ROBO2: variants seen among roughly 807,000 people sequenced by gnomAD.
ROBO2 encodes the protein roundabout guidance receptor 2.
A neutral mutation model predicts 160.8 loss-of-function variants in ROBO2; 53 were observed. The observed-to-expected ratio is 0.33, with a 90% CI of 0.26 to 0.41. The LOEUF (loss-of-function observed/expected upper bound fraction) is 0.41. Ranked by LOEUF, ROBO2 falls within the 10% of genes least tolerant of loss-of-function variation. The pLI is 1.00. For missense variants in ROBO2, 1,577 were observed against 1,722.4 expected (o/e 0.92, Z 1.49); for synonymous variants, 664 against 611.7 (o/e 1.09, Z -1.26).
chr3:77,626,205 A>G (rs964311127), intron 23 of ROBO2, among the ~76,000 whole-genome samples: 1 of 152,206 alleles, frequency 6.6e-6, no homozygotes, highest in African/African-American at 2.4e-5. Context: ...CAAGCACAAC[A>G]TATAATTTTC....
chr3:77,316,399 G>T (rs2063993931), intron 2 of ROBO2, among the ~76,000 whole-genome samples: 1 of 152,080 alleles, frequency 6.6e-6, no homozygotes, highest in Non-Finnish European at 1.5e-5. Context: ...AGGAAACCAA[G>T]GTTCGATTCT....
chr3:76,967,369 C>T (rs539412083), intron 2 of ROBO2, among the ~76,000 whole-genome samples: 2 of 151,970 alleles, frequency 1.3e-5, no homozygotes, highest in South Asian at 2.1e-4. Flanking sequence ...CCACGCCCAG[C>T]TAATTTTTGT....
chr3:76,736,517 A>C (rs903181780), intron 2 of ROBO2, among the ~76,000 whole-genome samples: 2 of 152,168 alleles, frequency 1.3e-5, no homozygotes, highest in Admixed American at 6.5e-5. Context: ...TCCAACAATC[A>C]GTTACTTTTT....
intron 2 of ROBO2, among the ~76,000 whole-genome samples, chr3:76,797,032 C>G (rs2063751603): frequency 6.6e-6 from 1 of 152,082 alleles, no homozygotes; most frequent in Non-Finnish European, 1.5e-5. Flanking sequence ...GAGAAGTGGA[C>G]AGATCATCCA....
At chr3:76,901,236 A>G (rs150094398) in intron 2 of ROBO2, among the ~76,000 whole-genome samples, 30 of 151,804 alleles carry the variant, frequency 2.0e-4, no homozygotes, top group African/African-American at 7.0e-4. Flanking sequence ...ATACCCCCAC[A>G]TAAAATATTA....
chr3:76,664,000 G>T (rs374602438), intron 2 of ROBO2, among the ~76,000 whole-genome samples: 22 of 152,218 alleles, frequency 1.4e-4, no homozygotes, highest in East Asian at 1.4e-3. Context: ...GGGCAAAAGG[G>T]TATAAAAAGG....
At chr3:76,462,225 T>C (rs975950265) in intron 2 of ROBO2, among the ~76,000 whole-genome samples, 1 of 152,334 alleles carries the variant, frequency 6.6e-6, no homozygotes, top group Admixed American at 6.5e-5. Flanking sequence ...TTGCCAAATG[T>C]CGATTTTTCA....
At chr3:76,560,980 C>CTG (rs1203667960) in intron 2 of ROBO2, among the ~76,000 whole-genome samples, 18 of 136,270 alleles carry the variant, frequency 1.3e-4, no homozygotes, top group East Asian at 2.1e-4. Context: ...ATGAGTATAT[C>CTG]TGTGTGTGTG....
At chr3:77,018,144 C>A (rs1026956738) in intron 2 of ROBO2, among the ~76,000 whole-genome samples, 1 of 152,130 alleles carries the variant, frequency 6.6e-6, no homozygotes, top group Non-Finnish European at 1.5e-5. Context: ...ACTCTGTCGC[C>A]CAGGCTGGAG....
intron 2 of ROBO2, among the ~76,000 whole-genome samples, chr3:76,080,089 G>T (rs1217750493): frequency 1.3e-5 from 2 of 152,104 alleles, no homozygotes; most frequent in African/African-American, 4.8e-5. Context: ...CATGTTGAAG[G>T]CGAAATTAAA....
At chr3:76,292,607 C>A (rs747534877) in intron 2 of ROBO2, among the ~76,000 whole-genome samples, 2 of 151,752 alleles carry the variant, frequency 1.3e-5, no homozygotes, top group Non-Finnish European at 1.5e-5. Flanking sequence ...TCCAATTGAA[C>A]AATATAAGTG....
At chr3:76,767,497 C>T (rs1363788642) in intron 2 of ROBO2, among the ~76,000 whole-genome samples, 1 of 151,396 alleles carries the variant, frequency 6.6e-6, no homozygotes, top group East Asian at 2.0e-4. Flanking sequence ...ATATTTAGAA[C>T]ATTGTGTTTA....
chr3:76,851,494 G>C (rs28368915), intron 2 of ROBO2, among the ~76,000 whole-genome samples: 2,721 of 151,660 alleles, frequency 0.018, 72 homozygotes, highest in East Asian at 0.11. Context: ...CCAGCACTTT[G>C]GGAGGCCGAG....
At chr3:76,968,937 A>G (rs778717167) in intron 2 of ROBO2, among the ~76,000 whole-genome samples, 9 of 152,196 alleles carry the variant, frequency 5.9e-5, no homozygotes, top group African/African-American at 9.6e-5. Context: ...TGACAGCTGC[A>G]TAACCGGATA....
intron 2 of ROBO2, among the ~76,000 whole-genome samples, chr3:77,313,812 G>A (rs1257085386): frequency 2.0e-5 from 3 of 152,162 alleles, no homozygotes; most frequent in East Asian, 1.9e-4. Flanking sequence ...TCGAACTCCC[G>A]ACCTCAGGTG....
intron 2 of ROBO2, among the ~76,000 whole-genome samples, chr3:77,221,260 T>C (rs889891926): frequency 6.6e-6 from 1 of 152,204 alleles, no homozygotes; most frequent in African/African-American, 2.4e-5. Context: ...TAAGCTGACA[T>C]TTCATCATTC....
chr3:77,182,200 T>C (rs1159566231), intron 2 of ROBO2, among the ~76,000 whole-genome samples: 3 of 152,060 alleles, frequency 2.0e-5, no homozygotes, highest in Non-Finnish European at 4.4e-5. Context: ...TTCCAACAGT[T>C]GGGACTGAAT....
chr3:77,360,883 A>C (rs2069875720), intron 2 of ROBO2, among the ~76,000 whole-genome samples: 1 of 101,086 alleles, frequency 9.9e-6, no homozygotes, highest in African/African-American at 3.8e-5. Context: ...TGGGTGCTAA[A>C]ATATTTTTGT....
At chr3:76,466,107 C>G (rs1370820982) in intron 2 of ROBO2, among the ~76,000 whole-genome samples, 1 of 151,292 alleles carries the variant, frequency 6.6e-6, no homozygotes, top group African/African-American at 2.4e-5. Flanking sequence ...ATTCTTGCAA[C>G]AAAGTACCTA....
Sources: allele counts gnomAD v4.1 joint callset (sites outside exome capture counted in the v4.1 genomes callset), GRCh38; gene constraint gnomAD v4.1.1; transcripts MANE v1.5; gene names NCBI Gene and HGNC (gene_info 2026-07-23, HGNC 2026-07-21).